The following NHS variants were observed in gnomAD, a reference collection of about 807,000 sequenced individuals.
NHS encodes the protein actin remodeling regulator NHS.
A neutral mutation model predicts 72.5 loss-of-function variants in NHS; 5 were observed. The observed-to-expected ratio is 0.07, with a 90% CI of 0.04 to 0.14. The LOEUF (loss-of-function observed/expected upper bound fraction) is 0.14, where lower values mean the gene tolerates loss of function less well. Ranked by LOEUF, NHS falls within the 10% of genes least tolerant of loss-of-function variation. The pLI is 1.00. For synonymous variants in NHS, 464 were observed against 547.7 expected, an observed-to-expected ratio of 0.85 and a Z score of 2.13; for missense variants, 1,072 against 1,355.7, an observed-to-expected ratio of 0.79 and a Z score of 3.29.
At chrX:17,596,939 G>A (rs2065626579) in intron 1 of NHS, among the ~76,000 whole-genome samples, 1 of 110,758 alleles carries the variant, frequency 9.0e-6, no homozygotes, top group Non-Finnish European at 1.9e-5. Flanking sequence ...GGAGGATAGC[G>A]TGGAGGTTTT....
chrX:17,416,558 T>C (rs748664089), intron 1 of NHS, among the ~76,000 whole-genome samples: 7 of 112,741 alleles, frequency 6.2e-5, no homozygotes, highest in African/African-American at 2.3e-4. Flanking sequence ...CCATCCACTT[T>C]GCTGCTAAAA....
intron 1 of NHS, among the ~76,000 whole-genome samples, chrX:17,460,299 T>A (rs2064841900): frequency 9.0e-6 from 1 of 111,644 alleles, no homozygotes; most frequent in African/African-American, 3.3e-5. Flanking sequence ...TTTATTTATT[T>A]TTAATTTATA....
At chrX:17,607,205 A>C (rs1408688356) in intron 1 of NHS, among the ~76,000 whole-genome samples, 1 of 111,786 alleles carries the variant, frequency 8.9e-6, no homozygotes, top group East Asian at 2.8e-4. Flanking sequence ...TCCAGACAGC[A>C]GTTTCCCACT....
At chrX:17,635,371 G>A (rs1040410541) in intron 1 of NHS, 129 of 1,132,344 alleles carry the variant, frequency 1.1e-4, no homozygotes, top group Non-Finnish European at 1.5e-4. Flanking sequence ...CCCCTCCAGG[G>A]GGGAGTCCTA....
At chrX:17,525,638 CTTT>C (rs1162709869) in intron 1 of NHS, among the ~76,000 whole-genome samples, 705 of 53,002 alleles carry the variant, frequency 0.013, 13 homozygotes, top group African/African-American at 0.049. Flanking sequence ...TCTTTCTTTT[CTTT>C]TTTTTTTTTT....
chrX:17,571,367 G>C (rs1448253492), intron 1 of NHS, among the ~76,000 whole-genome samples: 1 of 112,196 alleles, frequency 8.9e-6, no homozygotes, highest in Non-Finnish European at 1.9e-5. Context: ...GGTCTATTCA[G>C]AGATTCAACT....
chrX:17,704,996 GAA>G (rs1253814880), intron 3 of NHS, among the ~76,000 whole-genome samples: 1 of 112,299 alleles, frequency 8.9e-6, no homozygotes, highest in Non-Finnish European at 1.9e-5. Flanking sequence ...CTAGTCCAGT[GAA>G]AGAGCTTGGC....
intron 8 of NHS, among the ~76,000 whole-genome samples, 166 bp from the exon 9 acceptor site, chrX:17,731,692 A>G (rs1317761088): frequency 3.6e-5 from 4 of 111,526 alleles, no homozygotes; most frequent in Admixed American, 2.8e-4. Flanking sequence ...AAGGACAAGG[A>G]ACATATCTTA....
Position 17,735,375 on chromosome X carries a change from C to A in NHS, c.*2911C>A, listed in dbSNP as rs1302389399. ...GTTAGGTATTGTGAAGAACATCAAT[C>A]CGAACTTTTCTTCTGTTGTTTGCAC... On this transcript the variant is annotated 3_prime_UTR_variant, in exon 9 of 9. Transcript: ENST00000676302. The A allele has an allele frequency of 1.8e-5, 2 of 113,198 alleles. No individual in the cohort carries two copies. Among genetic ancestry groups the A allele is most frequent in the East Asian group, 5.5e-4 (2 of 3,639 alleles). The allele number at this position is 113,198 out of a possible 1,213,427, so 9.3% of individuals were successfully genotyped here. A position where few individuals can be genotyped will look rare whatever the true frequency, so the allele number is the denominator to read the frequency against.
At chrX:17,600,286 C>CAGAG (rs113777136) in intron 1 of NHS, among the ~76,000 whole-genome samples, 474 of 101,332 alleles carry the variant, frequency 4.7e-3, no homozygotes, top group South Asian at 0.014. Flanking sequence ...CAGAGAGAGA[C>CAGAG]AGAGAGAGAG....
At chrX:17,675,157 CCAAA>C (rs2066072514) in intron 1 of NHS, among the ~76,000 whole-genome samples, 1 of 111,768 alleles carries the variant, frequency 8.9e-6, no homozygotes, top group Non-Finnish European at 1.9e-5. Flanking sequence ...CATGTGACTT[CCAAA>C]CAAAGTACCC....
At chrX:17,709,413 T>C (rs777343941) in intron 3 of NHS, among the ~76,000 whole-genome samples, 16 of 111,471 alleles carry the variant, frequency 1.4e-4, no homozygotes, top group Admixed American at 9.6e-4. Flanking sequence ...ATTGTCCTGA[T>C]TGGACTCAGA....
chrX:17,492,765 G>A (rs7472209), intron 1 of NHS, among the ~76,000 whole-genome samples: 23,700 of 111,095 alleles, frequency 0.21, 2,192 homozygotes, highest in South Asian at 0.39. Flanking sequence ...TTGTGTGGGA[G>A]TCTAAGTCTC....
chrX:17,724,946 A>T (rs978213370), intron 6 of NHS, among the ~76,000 whole-genome samples: 1 of 111,762 alleles, frequency 8.9e-6, no homozygotes, highest in Admixed American at 9.4e-5. Context: ...TGCAAATAAG[A>T]TTTTTATTTC....
rs767062858 is a variant in NHS at position 17,725,828 on chromosome X, C to T, written c.1722C>T (p.His574=). ...CTCAACATCTTCACAGCCCCCAGCA[C>T]AAATTAAGTGAGAGGGGAAGGTCAC... is the stretch of plus-strand genomic sequence containing the variant. The part of the protein sequence containing the change: ...ACSQHLHSPQ[H]KLSERGRSRL... Residue 574 remains histidine, a synonymous_variant, in exon 7 of 9, where the codon CAC becomes CAT. Coordinates refer to ENST00000676302, the MANE Select transcript of NHS (RefSeq NM_001291867.2). 2.5e-6 allele frequency: 3 copies of T among 1,211,667 alleles called. No homozygotes were observed. In the South Asian group the frequency reaches 5.3e-5, roughly 21 times the overall value.
In NHS at chrX:17,521,366, C is replaced by CTTTTTTTTTTTTTTTT. The variant is rs766662277; in HGVS notation, c.565+145057_565+145058insTTTTTTTTTTTTTTTT. ...AGTTCTACCTTTTTCTCCCTTCCCT[C>CTTTTTTTTTTTTTTTT]TTTTTTTTTTTTTGAGACAGGGTCT... On this transcript the variant is annotated intron_variant, in intron 1 of 8. Coordinates refer to ENST00000676302, the MANE Select transcript of NHS (RefSeq NM_001291867.2). 1.1e-3 allele frequency among the ~76,000 whole-genome samples: 111 copies of CTTTTTTTTTTTTTTTT among 97,315 alleles called. 10 individuals carry two copies. Among genetic ancestry groups the CTTTTTTTTTTTTTTTT allele is most frequent in the African/African-American group, 4.8e-3 (110 of 23,126 alleles). 84.5% of individuals were successfully genotyped at this position (97,315 alleles called of 115,157 possible). A position where few individuals can be genotyped will look rare whatever the true frequency, so the allele number is the denominator to read the frequency against.
At chrX:17,531,822 C>A (rs2065200197) in intron 1 of NHS, among the ~76,000 whole-genome samples, 1 of 112,810 alleles carries the variant, frequency 8.9e-6, no homozygotes, top group Non-Finnish European at 1.9e-5. Flanking sequence ...TGCCAATGGC[C>A]CCTCAAGCTT....
At chrX:17,507,803 A>G (rs191982162) in intron 1 of NHS, among the ~76,000 whole-genome samples, 82 of 111,410 alleles carry the variant, frequency 7.4e-4, no homozygotes, top group Middle Eastern at 9.2e-3. Context: ...AGCCCTTTTT[A>G]TTAGGAGTCA....
At chrX:17,710,693 C>G (rs1197283206) in intron 3 of NHS, among the ~76,000 whole-genome samples, 2 of 111,749 alleles carry the variant, frequency 1.8e-5, no homozygotes, top group Non-Finnish European at 3.8e-5. Flanking sequence ...TAGAACAGTT[C>G]TATGTCCTGA....
Sources: gnomAD v4.1 joint callset for allele counts (sites outside exome capture counted in the v4.1 genomes callset) on GRCh38, gnomAD v4.1.1 for gene constraint, MANE v1.5 for transcripts, NCBI Gene and HGNC (gene_info 2026-07-23, HGNC 2026-07-21) for gene names.